Variants in ADGRB1 observed in about 807,000 individuals in gnomAD.
ADGRB1 encodes adhesion G protein-coupled receptor B1.
ADGRB1 carries 36 observed loss-of-function variants against 175.7 expected under a neutral mutation model. That is an observed-to-expected ratio of 0.20 (90% CI 0.16 to 0.27). ADGRB1 has a LOEUF of 0.27. Ranked by LOEUF, ADGRB1 falls within the 10% of genes least tolerant of loss-of-function variation. The pLI, the probability that ADGRB1 is intolerant of heterozygous loss-of-function variation, is 1.00. For synonymous variants in ADGRB1, 1,054 were observed against 979.4 expected, an observed-to-expected ratio of 1.08 and a Z score of -1.42; for missense variants, 1,731 against 2,255.3, an observed-to-expected ratio of 0.77 and a Z score of 4.71.
Position 142,464,343 on chromosome 8 carries a change from G to T in ADGRB1, c.145G>T (p.Gly49Ter). The T allele has an allele frequency of 6.6e-7, 1 of 1,512,424 alleles. No homozygotes were observed. The highest frequency in any genetic ancestry group is 8.8e-7 in the Non-Finnish European group (1 of 1,135,834). The allele number at this position is 1,512,424 out of a possible 1,614,324, so 93.7% of individuals were successfully genotyped here. The change falls in exon 2 of 31, where the codon GGA becomes TGA. Residue 49 changes from glycine (G) to a stop codon, truncating the protein, a stop_gained. Transcript: ENST00000517894. LOFTEE classifies it high-confidence loss of function. ...CGAGCCGTGCGCCACGCTGGTGCAGGGAAAGTTCTTCGGCTACTTCTCCGC... is the reference window on the plus strand; with the variant it reads ...CGAGCCGTGCGCCACGCTGGTGCAGTGAAAGTTCTTCGGCTACTTCTCCGC... ...GPEPCATLVQ[G>*]KFFGYFSAAA...
At chr8:142,500,622 G>A (rs1267172659) in intron 17 of ADGRB1, among the ~76,000 whole-genome samples, 1 of 151,966 alleles carries the variant, frequency 6.6e-6, no homozygotes, top group Non-Finnish European at 1.5e-5. Context: ...CTTCATCAAA[G>A]CCCCACCTTC....
intron 22 of ADGRB1, among the ~76,000 whole-genome samples, chr8:142,523,033 C>A (rs1843940981): frequency 6.6e-6 from 1 of 152,258 alleles, no homozygotes; most frequent in Non-Finnish European, 1.5e-5. Context: ...GGGAGCCCCC[C>A]TCTGTACGGT....
chr8:142,450,905 GC>G (rs1839308823), intron 1 of ADGRB1, among the ~76,000 whole-genome samples: 1 of 152,150 alleles, frequency 6.6e-6, no homozygotes, highest in Admixed American at 6.5e-5. Context: ...CCGGCCCTAT[GC>G]CGTCTCCGCT....
chr8:142,544,271 G>C lies in ADGRB1; in HGVS notation c.4609G>C (p.Ala1537Pro). Residue 1537 changes from alanine (A) to proline (P), a missense_variant, in exon 31 of 31, where the codon GCC becomes CCC. Physicochemically the swap from Ala to Pro is conservative, Grantham distance 27. Transcript: ENST00000517894. Reference sequence around the variant, plus strand: ...GAGGCCCTGGGAGAGCCTCCGGAAAGCCCACGGGACGCCCACGTGGGTGAA... The same window carrying C: ...GAGGCCCTGGGAGAGCCTCCGGAAACCCCACGGGACGCCCACGTGGGTGAA... ...NKRPWESLRK[A>P]HGTPTWVKKE... The C allele has an allele frequency of 6.5e-7, 1 of 1,549,416 alleles. No homozygotes were observed. Among genetic ancestry groups the C allele is most frequent in the Non-Finnish European group, 8.7e-7 (1 of 1,146,684 alleles).
intron 17 of ADGRB1, among the ~76,000 whole-genome samples, chr8:142,509,934 C>T (rs548990347): frequency 6.6e-6 from 1 of 152,158 alleles, no homozygotes; most frequent in Non-Finnish European, 1.5e-5. Context: ...GCAGTTTCTG[C>T]AAGCCAAGCC....
chr8:142,479,379 G>T lies in ADGRB1; in HGVS notation c.1618G>T (p.Ala540Ser). 1 of 1,535,708 alleles carries T rather than the reference G, an allele frequency of 6.5e-7. No individual in the cohort carries two copies. Residue 540 changes from alanine (A) to serine (S), a missense_variant, in exon 8 of 31, where the codon GCT becomes TCT. Transcript: ENST00000517894. ...GGGCAGTTGCAGCGTCACGTGTGGG[G>T]CTGGCAGCCAGCGACGGGAGCGTGT... ...SWGSCSVTCG[A>S]GSQRRERVCS...
intron 11 of ADGRB1, among the ~76,000 whole-genome samples, chr8:142,482,254 A>ATT (rs1380489481): frequency 1.4e-5 from 2 of 144,176 alleles, no homozygotes; most frequent in Non-Finnish European, 1.5e-5. Context: ...CCCTGGTCAC[A>ATT]CTGAGCCTTG....
intron 27 of ADGRB1, among the ~76,000 whole-genome samples, chr8:142,541,036 G>A (rs1845241576): frequency 6.6e-6 from 1 of 152,100 alleles, no homozygotes; most frequent in South Asian, 2.1e-4. Flanking sequence ...GGTGAACACA[G>A]GCACCCAGGG....
Position 142,485,363 on chromosome 8 carries a change from CA to C in ADGRB1, c.2308+602del, listed in dbSNP as rs1178811390. On this transcript the variant is annotated intron_variant, in intron 13 of 30. Coordinates refer to ENST00000517894, the MANE Select transcript of ADGRB1 (RefSeq NM_001702.3). ...AATATCTCTCAAAAGCCACGTTTCTCAAACTTTCCCTGCCTTGATCAGAGAG... is the reference window on the plus strand; with the variant it reads ...AATATCTCTCAAAAGCCACGTTTCTCAACTTTCCCTGCCTTGATCAGAGAG... Among the ~76,000 whole-genome samples, 85 of 152,194 alleles carry C rather than the reference CA, an allele frequency of 5.6e-4. 2 individuals are homozygous for C. Among genetic ancestry groups the C allele is most frequent in the Admixed American group, 3.9e-4 (6 of 15,280 alleles).
Position 142,488,575 on chromosome 8 carries a change from A to AC in ADGRB1, c.2452+71dup, listed in dbSNP as rs1479185505. On this transcript the variant is annotated intron_variant, in intron 14 of 30. Transcript: ENST00000517894. ...TGGGCCCCAGAGTCGGACGGTCACC[A>AC]CCCTTCTGGAGTCTAGCTGCTGCCT... 9.5e-6 allele frequency: 15 copies of AC among 1,575,868 alleles called. No individual in the cohort carries two copies. In the East Asian group the frequency reaches 3.2e-4, roughly 33 times the overall value.
intron 16 of ADGRB1, among the ~76,000 whole-genome samples, chr8:142,490,529 G>C (rs1841932184): frequency 6.6e-6 from 1 of 152,250 alleles, no homozygotes; most frequent in Non-Finnish European, 1.5e-5. Flanking sequence ...CCTGGGCTCT[G>C]GGAGGGGCCA....
At chr8:142,505,995 G>T (rs978534817) in intron 17 of ADGRB1, among the ~76,000 whole-genome samples, 8 of 152,208 alleles carry the variant, frequency 5.3e-5, no homozygotes, top group Non-Finnish European at 1.2e-4. Flanking sequence ...ACGCGCAGGC[G>T]TCCTGGCTGT....
chr8:142,475,582 G>T lies in ADGRB1; in HGVS notation c.893G>T (p.Gly298Val). The T allele has an allele frequency of 8.0e-7, 1 of 1,256,952 alleles. No individual in the cohort carries two copies. The highest frequency in any genetic ancestry group is 1.0e-6 in the Non-Finnish European group (1 of 1,001,286). 77.9% of individuals were successfully genotyped at this position (1,256,952 alleles called of 1,614,324 possible). A position where few individuals can be genotyped will look rare whatever the true frequency, so the allele number is the denominator to read the frequency against. ...CLPAPGVEGG[G>V]CEGVLEEGRQ... is the part of the protein sequence containing the mutation. ...CCCGCGCCGGGCGTGGAGGGCGGCG[G>T]CTGCGAGGGGGTGCTGGAGGAGGGT... Residue 298 changes from glycine (G) to valine (V), a missense_variant, in exon 3 of 31, where the codon GGC (glycine) becomes GTC (valine). Physicochemically the swap from Gly to Val is moderately radical, Grantham distance 109 (BLOSUM62 -3). Coordinates refer to ENST00000517894, the MANE Select transcript of ADGRB1 (RefSeq NM_001702.3).
Position 142,510,913 on chromosome 8 carries a change from GT to G in ADGRB1, c.2676-18del. 3.0e-6 allele frequency: 2 copies of G among 661,546 alleles called. No homozygotes were observed. Among genetic ancestry groups the G allele is most frequent in the Non-Finnish European group, 3.8e-6 (2 of 520,104 alleles). The allele number at this position is 661,546 out of a possible 1,614,324, so 41.0% of individuals were successfully genotyped here. A position where few individuals can be genotyped will look rare whatever the true frequency, so the allele number is the denominator to read the frequency against. On this transcript the variant is annotated intron_variant, in intron 17 of 30. Transcript: ENST00000517894. This position sits in a 1 kb window ranked among gnomAD's most constrained non-coding sequence, Gnocchi z 6.3. ...CTGACGCTCCGCCTGTCTCCCTCCC[GT>G]GTCCCGCCCGCCCCCAGACCCTCCT... is the stretch of plus-strand genomic sequence containing the variant.
Position 142,464,368 on chromosome 8 carries a change from C to G in ADGRB1, c.170C>G (p.Ala57Gly), listed in dbSNP as rs749424433. 2.0e-6 allele frequency: 3 copies of G among 1,522,052 alleles called. No individual in the cohort carries two copies. Among genetic ancestry groups the G allele is most frequent in the Non-Finnish European group, 2.6e-6 (3 of 1,139,132 alleles). The allele number at this position is 1,522,052 out of a possible 1,614,324, so 94.3% of individuals were successfully genotyped here. Residue 57 changes from alanine to glycine, a missense_variant, in exon 2 of 31, where the codon GCG (alanine) becomes GGG (glycine). Ala to Gly is a moderately conservative substitution (Grantham distance 60). This residue lies in a region of ADGRB1 where 383 missense variants were observed against 383.1 expected (regional missense o/e 1.00). Transcript: ENST00000517894. ...VQGKFFGYFS[A>G]AAVFPANASR... is the part of the protein sequence containing the mutation. ...GGAAAGTTCTTCGGCTACTTCTCCG[C>G]GGCCGCCGTGTTCCCGGCCAACGCC...
rs532844776 is a variant in ADGRB1 at position 142,493,603 on chromosome 8, C to G, written c.2675+2788C>G. The stretch of plus-strand genomic sequence containing the variant: ...ACGCAGTGCCTGGCAGCATTGTGCC[C>G]AAGTTGCCTCTTGGGTCCTTGACCC... On this transcript the variant is annotated intron_variant, in intron 17 of 30. Coordinates refer to ENST00000517894, the MANE Select transcript of ADGRB1 (RefSeq NM_001702.3). This position sits in a 1 kb window ranked among gnomAD's most constrained non-coding sequence, Gnocchi z 5.0. Among the ~76,000 whole-genome samples the G allele has an allele frequency of 6.6e-6, 1 of 152,332 alleles. No homozygotes were observed. The highest frequency in any genetic ancestry group is 1.9e-4 in the East Asian group (1 of 5,188).
intron 2 of ADGRB1, among the ~76,000 whole-genome samples, chr8:142,470,133 C>T (rs2131730480): frequency 6.6e-6 from 1 of 152,304 alleles, no homozygotes; most frequent in South Asian, 2.1e-4. Context: ...GGCCAAGCAA[C>T]TGTTCCCCTC....
At chr8:142,541,206 G>A (rs978583051) in intron 27 of ADGRB1, among the ~76,000 whole-genome samples, 1 of 152,124 alleles carries the variant, frequency 6.6e-6, no homozygotes, top group African/African-American at 2.4e-5. Flanking sequence ...GTCAGGGGCA[G>A]GCGGCTGGGT....
At chr8:142,522,609 G>T in intron 21 of ADGRB1, 32 bp from the exon 22 acceptor site, 1 of 1,531,944 alleles carries the variant, frequency 6.5e-7, no homozygotes, top group East Asian at 2.5e-5. Flanking sequence ...GACTTGGGTG[G>T]GGCCAACACC....
Sources: gnomAD v4.1 joint callset for allele counts (sites outside exome capture counted in the v4.1 genomes callset) on GRCh38, gnomAD v4.1.1 for gene constraint, gnomAD v4.1.1 regional missense constraint, Gnocchi (gnomAD v3.1) non-coding constraint, MANE v1.5 for transcripts, NCBI Gene and HGNC (gene_info 2026-07-23, HGNC 2026-07-21) for gene names.